Variants in SLC8A2 observed in about 807,000 individuals in gnomAD.
SLC8A2 encodes solute carrier family 8 member A2.
A neutral mutation model predicts 70.2 loss-of-function variants in SLC8A2; 14 were observed. That is an observed-to-expected ratio of 0.20 (90% CI 0.13 to 0.31). The LOEUF (loss-of-function observed/expected upper bound fraction) is 0.31. Ranked by LOEUF, SLC8A2 falls within the 10% of genes least tolerant of loss-of-function variation. SLC8A2 has a pLI of 1.00. For missense variants in SLC8A2, 779 were observed against 1,320.1 expected (o/e 0.59, Z 6.35); for synonymous variants, 575 against 594.3 (o/e 0.97, Z 0.47).
chr19:47,453,573 C>T (rs563642555), intron 3 of SLC8A2, among the ~76,000 whole-genome samples: 54 of 152,260 alleles, frequency 3.5e-4, no homozygotes, highest in Admixed American at 7.2e-4. Context: ...CCTTTGGTTC[C>T]AGCACTGAAC....
At chr19:47,455,663 TA>T (rs1248090530) in intron 3 of SLC8A2, among the ~76,000 whole-genome samples, 4 of 152,226 alleles carry the variant, frequency 2.6e-5, no homozygotes, top group Non-Finnish European at 5.9e-5. Context: ...ACTGTAAAGC[TA>T]TAAGTCTTAA....
intron 3 of SLC8A2, among the ~76,000 whole-genome samples, chr19:47,455,114 GAGAGT>G (rs1364101803): frequency 4.6e-5 from 7 of 151,916 alleles, no homozygotes. Context: ...GAGGAGAGGA[GAGAGT>G]AGAGGAGAGA....
chr19:47,449,004 C>T (rs573132321), intron 3 of SLC8A2, among the ~76,000 whole-genome samples: 17 of 152,208 alleles, frequency 1.1e-4, no homozygotes, highest in Non-Finnish European at 2.5e-4. Flanking sequence ...GACAATTGCA[C>T]ATTTAATGAT....
intron 3 of SLC8A2, among the ~76,000 whole-genome samples, chr19:47,452,445 A>AGAGAGAGAGAGAGT (rs1568444583): frequency 1.8e-5 from 1 of 54,100 alleles, no homozygotes; most frequent in Admixed American, 2.8e-4. Context: ...AGAGAGAGAG[A>AGAGAGAGAGAGAGT]GTGTGTGTGT....
chr19:47,432,306 G>T lies in SLC8A2; in HGVS notation c.2250C>A (p.Ala750=). The T allele has an allele frequency of 1.9e-6, 3 of 1,613,952 alleles. No individual in the cohort carries two copies. Among genetic ancestry groups the T allele is most frequent in the Non-Finnish European group, 2.5e-6 (3 of 1,180,036 alleles). Reference sequence around the variant, plus strand: ...TGACCAGGATGGAGACACCAAAGCAGGCCCAGCCGTGGCAGTACTCGGTGG... The same window carrying T: ...TGACCAGGATGGAGACACCAAAGCATGCCCAGCCGTGGCAGTACTCGGTGG... ...VPPTEYCHGW[A]CFGVSILVIG... is the part of the protein sequence containing the mutation. The change falls in exon 9 of 10, where the codon GCC becomes GCA. Residue 750 remains alanine, a synonymous_variant. Transcript: ENST00000236877. This position sits in a 1 kb window ranked among gnomAD's most constrained non-coding sequence, Gnocchi z 6.2.
rs1967045733 is a variant in SLC8A2, at chr19:47,437,558, T to C, written c.2014A>G (p.Thr672Ala). The change falls in exon 8 of 10, where the codon ACG becomes GCG. Residue 672 changes from threonine (T) to alanine (A), a missense_variant. Coordinates refer to ENST00000236877, the MANE Select transcript of SLC8A2 (RefSeq NM_015063.3). ...IIEESYDFKN[T>A]VDKLIKKTNL... Reference sequence around the variant, plus strand: ...GTTTTCTTGATGAGTTTATCCACCGTGTTCTGGGGATGAGAGGGTGGGGGA... The same window carrying C: ...GTTTTCTTGATGAGTTTATCCACCGCGTTCTGGGGATGAGAGGGTGGGGGA... 6.2e-7 allele frequency: 1 copy of C among 1,611,602 alleles called. No homozygotes were observed. Among genetic ancestry groups the C allele is most frequent in the Non-Finnish European group, 8.5e-7 (1 of 1,177,910 alleles).
At chr19:47,450,130 C>G (rs1398751554) in intron 3 of SLC8A2, among the ~76,000 whole-genome samples, 1 of 152,160 alleles carries the variant, frequency 6.6e-6, no homozygotes, top group Non-Finnish European at 1.5e-5. Flanking sequence ...GAAAATCTAT[C>G]ATTTCCCCCA....
rs1967461906 is a variant in SLC8A2 at position 47,466,395 on chromosome 19, G to A, written c.9C>T (p.Pro3=). The part of the protein sequence containing the change: MA[P]LALVGVTLLL... The stretch of plus-strand genomic sequence containing the variant: ...GGAGTGTGACCCCCACCAAGGCCAG[G>A]GGAGCCATGGGGGGTGGTGGGGTCC... The change falls in exon 2 of 10, where the codon CCC becomes CCT. Residue 3 remains proline, a synonymous_variant. Transcript: ENST00000236877. This position sits in a 1 kb window ranked among gnomAD's most constrained non-coding sequence, Gnocchi z 6.9. 2.1e-6 allele frequency: 3 copies of A among 1,404,412 alleles called. No individual in the cohort carries two copies. The African/African-American group carries it at 4.3e-5, about 20-fold the overall frequency. 87.0% of individuals were successfully genotyped at this position (1,404,412 alleles called of 1,614,324 possible).
chr19:47,449,437 T>G (rs904357472), intron 3 of SLC8A2, among the ~76,000 whole-genome samples: 23 of 152,124 alleles, frequency 1.5e-4, no homozygotes, highest in African/African-American at 5.6e-4. Flanking sequence ...TTCTCCCACC[T>G]CAGCCTCCCG....
At chr19:47,454,704 G>A (rs1019962082) in intron 3 of SLC8A2, among the ~76,000 whole-genome samples, 13 of 152,148 alleles carry the variant, frequency 8.5e-5, no homozygotes. Flanking sequence ...ATGTCCAAGC[G>A]CTGGAAAGAG....
intron 5 of SLC8A2, 50 bp downstream of exon 5, chr19:47,441,287 C>A (rs1208472955): frequency 6.3e-7 from 1 of 1,587,970 alleles, no homozygotes; most frequent in African/African-American, 1.3e-5. Flanking sequence ...CTGAAAGTCC[C>A]CCGACCCTGG....
At position 47,447,985 on chromosome 19, in the gene SLC8A2, G is replaced by A. The variant is rs1379598795; in HGVS notation, c.1587C>T (p.Asp529=). Residue 529 remains aspartate (D), a synonymous_variant, in exon 4 of 10, where the codon GAC becomes GAT. Coordinates refer to ENST00000236877, the MANE Select transcript of SLC8A2 (RefSeq NM_015063.3). The surrounding 1 kb of genome is among the most constrained non-coding windows in gnomAD (Gnocchi z 5.1). ...DDHAGIFSFQ[D]RLLHVSECMG... ...TGCACTCGCTCACGTGCAGCAGGCG[G>A]TCCTGGAAGGAGAAGATGCCTGCGT... 3.2e-6 allele frequency: 5 copies of A among 1,561,192 alleles called. No homozygotes were observed. In the East Asian group the frequency reaches 9.6e-5, roughly 30 times the overall value.
chr19:47,465,355 G>A lies in SLC8A2; in HGVS notation c.675+374C>T, dbSNP rs889821670. On this transcript the variant is annotated intron_variant, in intron 2 of 9. Transcript: ENST00000236877. The surrounding 1 kb of genome is among the most constrained non-coding windows in gnomAD (Gnocchi z 5.5). Reference sequence around the variant, plus strand: ...GAAAACATGTGAACATACGTAGCATGCATTACACAGATCACAGGGGCTCCG... The same window carrying A: ...GAAAACATGTGAACATACGTAGCATACATTACACAGATCACAGGGGCTCCG... Among the ~76,000 whole-genome samples the A allele has an allele frequency of 6.6e-6, 1 of 152,206 alleles. No homozygotes were observed. The highest frequency in any genetic ancestry group is 2.4e-5 in the African/African-American group (1 of 41,444).
Position 47,429,893 on chromosome 19 carries a change from G to T in SLC8A2, c.*196C>A. On this transcript the variant is annotated 3_prime_UTR_variant, in exon 10 of 10. Transcript: ENST00000236877. ...CAGGGGAGGAACCGGGGAGGCTCCC[G>T]AGAGGAAGAGGGAAGGCTGAGCTAC... The T allele has an allele frequency of 3.3e-6, 2 of 614,694 alleles. No individual in the cohort carries two copies. Among genetic ancestry groups the T allele is most frequent in the Non-Finnish European group, 5.7e-6 (2 of 353,298 alleles). 38.1% of individuals were successfully genotyped at this position (614,694 alleles called of 1,614,324 possible).
rs371253668 is a variant in SLC8A2 at position 47,457,123 on chromosome 19, C to G, written c.1147G>C (p.Glu383Gln). The G allele has an allele frequency of 9.1e-6, 14 of 1,546,484 alleles. No homozygotes were observed. The South Asian group carries it at 1.7e-4, about 18-fold the overall frequency. ...TCGTCTTCGTCCTCGCCCGCGCCCT[C>G]GGCCGGCGCCGCCCTGCGCGAGGCG... Reference protein sequence around the residue: ...ADASRRAAPAEGAGEDEDDGA... With the variant: ...ADASRRAAPAQGAGEDEDDGA... The change falls in exon 3 of 10, where the codon GAG becomes CAG. Residue 383 changes from glutamate to glutamine, a missense_variant. Glu to Gln is a conservative substitution (Grantham distance 29). Transcript: ENST00000236877.
chr19:47,443,335 G>C (rs1213507294), intron 4 of SLC8A2, among the ~76,000 whole-genome samples: 3 of 152,098 alleles, frequency 2.0e-5, no homozygotes, highest in African/African-American at 7.2e-5. Context: ...TCACCTTCAG[G>C]CACATAATCC....
Position 47,447,667 on chromosome 19 carries a change from C to T in SLC8A2, c.1763+142G>A. 7.1e-6 allele frequency: 6 copies of T among 848,686 alleles called. No homozygotes were observed. Among genetic ancestry groups the T allele is most frequent in the Non-Finnish European group, 1.0e-5 (6 of 589,484 alleles). 52.6% of individuals were successfully genotyped at this position (848,686 alleles called of 1,614,324 possible). A position where few individuals can be genotyped will look rare whatever the true frequency, so the allele number is the denominator to read the frequency against. On this transcript the variant is annotated intron_variant, in intron 4 of 9. Transcript: ENST00000236877. The surrounding 1 kb of genome is among the most constrained non-coding windows in gnomAD (Gnocchi z 5.1). ...CCCGCCCACGTTGCGGGCACGGCCA[C>T]GCAGGCCCCTCCCCTCCCGAGGCCC...
In SLC8A2 at chr19:47,447,712, T is replaced by C. The variant is rs1471129547; in HGVS notation, c.1763+97A>G. 4 of 1,265,008 alleles carry C rather than the reference T, an allele frequency of 3.2e-6. No individual in the cohort carries two copies. The highest frequency in any genetic ancestry group is 4.2e-6 in the Non-Finnish European group (4 of 959,570). 78.4% of individuals were successfully genotyped at this position (1,265,008 alleles called of 1,614,324 possible). On this transcript the variant is annotated intron_variant, in intron 4 of 9. Coordinates refer to ENST00000236877, the MANE Select transcript of SLC8A2 (RefSeq NM_015063.3). The surrounding 1 kb of genome is among the most constrained non-coding windows in gnomAD (Gnocchi z 5.1). ...AGGCCCAACCAAGACCCGCCCACTA[T>C]GTGGGCATGGCTCACCCAGGCCCCG... is the stretch of plus-strand genomic sequence containing the variant.
intron 2 of SLC8A2, among the ~76,000 whole-genome samples, chr19:47,462,563 C>G (rs1431486930): frequency 6.8e-6 from 1 of 147,906 alleles, no homozygotes; most frequent in Non-Finnish European, 1.5e-5. Context: ...TGCGCCCGGC[C>G]TATGTATATC....
Sources: allele counts gnomAD v4.1 joint callset (sites outside exome capture counted in the v4.1 genomes callset), GRCh38; gene constraint gnomAD v4.1.1; non-coding constraint Gnocchi (gnomAD v3.1); transcripts MANE v1.5; gene names NCBI Gene and HGNC (gene_info 2026-07-23, HGNC 2026-07-21).